MALRD1: variants seen among roughly 807,000 people sequenced by gnomAD.
MALRD1 encodes MAM and LDL-receptor class A domain-containing protein 1.
MALRD1 carries 247 observed loss-of-function variants against 242.1 expected under a neutral mutation model. The ratio of observed to expected loss-of-function variants is 1.02; its 90% CI spans 0.92 to 1.13. The LOEUF is 1.13. Ranked by LOEUF, MALRD1 falls within the 50% of genes most tolerant of loss-of-function variation. MALRD1 has a pLI of 0.00. For missense variants in MALRD1, 2,989 were observed against 2,533.1 expected, an observed-to-expected ratio of 1.18 and a Z score of -3.86; for synonymous variants, 995 against 866.6, an observed-to-expected ratio of 1.15 and a Z score of -2.60.
chr10:19,273,200 C>A (rs1840342778), intron 19 of MALRD1, among the ~76,000 whole-genome samples: 1 of 152,080 alleles, frequency 6.6e-6, no homozygotes, highest in South Asian at 2.1e-4. Context: ...CAATAATTTT[C>A]ATAATTTCCA....
chr10:19,058,180 G>A (rs1458237576), intron 1 of MALRD1, among the ~76,000 whole-genome samples: 2 of 152,144 alleles, frequency 1.3e-5, no homozygotes, highest in Middle Eastern at 3.2e-3. Flanking sequence ...AAAAGAAAAC[G>A]CCAGAGGACA....
Position 19,347,953 on chromosome 10 carries a change from C to G in MALRD1, c.4084C>G (p.Gln1362Glu), listed in dbSNP as rs1444450169. 1.3e-6 allele frequency: 2 copies of G among 1,550,322 alleles called. No individual in the cohort carries two copies. The highest frequency in any genetic ancestry group is 8.7e-7 in the Non-Finnish European group (1 of 1,146,808). ...HYIFIKSLFP[Q>E]QPMRAARISS... ...CATCTTTATAAAGAGTTTGTTTCCT[C>G]AGCAGCCCATGAGAGCTGCCAGAAT... is the stretch of plus-strand genomic sequence containing the variant. Residue 1362 changes from glutamine (Q) to glutamate (E), a missense_variant, in exon 25 of 40, where the codon CAG becomes GAG. Physicochemically the swap from Gln to Glu is conservative, Grantham distance 29. Transcript: ENST00000454679.
At chr10:19,592,794 T>C (rs1837885795) in intron 33 of MALRD1, among the ~76,000 whole-genome samples, 1 of 144,924 alleles carries the variant, frequency 6.9e-6, no homozygotes, top group African/African-American at 2.6e-5. Flanking sequence ...CACACACCAT[T>C]CTGAATAGGA....
chr10:19,686,100 A>T (rs1319280468), intron 36 of MALRD1, among the ~76,000 whole-genome samples: 1 of 152,190 alleles, frequency 6.6e-6, no homozygotes, highest in African/African-American at 2.4e-5. Context: ...ACCGAGGGGC[A>T]TAAGACAGAG....
intron 26 of MALRD1, among the ~76,000 whole-genome samples, chr10:19,383,300 G>A (rs968471643): frequency 2.0e-5 from 3 of 152,186 alleles, no homozygotes; most frequent in Middle Eastern, 3.4e-3. Context: ...GAGAACATAC[G>A]GTATTGGCTT....
At chr10:19,074,249 G>A (rs908795535) in intron 2 of MALRD1, among the ~76,000 whole-genome samples, 6 of 152,108 alleles carry the variant, frequency 3.9e-5, no homozygotes, top group South Asian at 4.1e-4. Flanking sequence ...CAGCAGAAAT[G>A]AGAGACATTG....
rs1842024830 is a variant in MALRD1 at position 19,673,753 on chromosome 10, G to T, written c.6138-18529G>T. 2.6e-5 allele frequency among the ~76,000 whole-genome samples: 4 copies of T among 152,004 alleles called. 1 individual carries two copies. The South Asian group carries it at 8.3e-4, about 32-fold the overall frequency. On this transcript the variant is annotated intron_variant, in intron 36 of 39. Transcript: ENST00000454679. ...ACTATCATGGATTTCCACAGTTTCTGTTACTTTTTTATGATTTATAATGTC... is the reference window on the plus strand; with the variant it reads ...ACTATCATGGATTTCCACAGTTTCTTTTACTTTTTTATGATTTATAATGTC...
chr10:19,619,455 T>A (rs1839307297), intron 36 of MALRD1, among the ~76,000 whole-genome samples: 1 of 152,066 alleles, frequency 6.6e-6, no homozygotes, highest in South Asian at 2.1e-4. Context: ...GATCAGAATT[T>A]GTTTTGCCCA....
chr10:19,126,252 G>A (rs966202275), intron 7 of MALRD1, among the ~76,000 whole-genome samples: 1 of 152,034 alleles, frequency 6.6e-6, no homozygotes, highest in African/African-American at 2.4e-5. Context: ...TTAATGCTCA[G>A]AATGCACATA....
intron 32 of MALRD1, among the ~76,000 whole-genome samples, chr10:19,538,791 G>GA (rs781370987): frequency 2.9e-4 from 42 of 146,440 alleles, no homozygotes; most frequent in Admixed American, 4.1e-4. Flanking sequence ...AATTGCTCAT[G>GA]AAAAAAAAAA....
chr10:19,302,428 C>T (rs886380251), intron 21 of MALRD1, among the ~76,000 whole-genome samples: 3 of 151,694 alleles, frequency 2.0e-5, no homozygotes, highest in South Asian at 2.1e-4. Context: ...ATGTTATATC[C>T]GTATAAGGAA....
chr10:19,273,934 T>C (rs1840377037), intron 19 of MALRD1, among the ~76,000 whole-genome samples: 1 of 152,054 alleles, frequency 6.6e-6, no homozygotes, highest in East Asian at 1.9e-4. Flanking sequence ...CAATGAGACA[T>C]CACCTCATAC....
At chr10:19,345,236 T>TC (rs71387062) in intron 24 of MALRD1, among the ~76,000 whole-genome samples, 3 of 151,778 alleles carry the variant, frequency 2.0e-5, no homozygotes, top group Non-Finnish European at 2.9e-5. Context: ...ATTATAAAGA[T>TC]TTAGCAGTGT....
At chr10:19,527,051 T>C (rs188766980) in intron 31 of MALRD1, among the ~76,000 whole-genome samples, 2 of 152,306 alleles carry the variant, frequency 1.3e-5, no homozygotes, top group Admixed American at 1.3e-4. Context: ...ATAATACATA[T>C]ATTACTGTTT....
intron 18 of MALRD1, among the ~76,000 whole-genome samples, chr10:19,246,980 T>C (rs984433582): frequency 2.2e-4 from 33 of 152,088 alleles, no homozygotes; most frequent in African/African-American, 7.2e-4. Context: ...CTTACTGCCA[T>C]CAAAAATCCC....
upstream of MALRD1, among the ~76,000 whole-genome samples, chr10:19,047,935 C>G (rs889918865): frequency 6.6e-6 from 1 of 152,146 alleles, no homozygotes; most frequent in Non-Finnish European, 1.5e-5. Context: ...TGAAAAAGAA[C>G]TTTAACATCC....
In MALRD1 at chr10:19,718,226, A is replaced by ACAGCAG. The variant is rs34342587; in HGVS notation, c.6315-12465_6315-12460dup. On this transcript the variant is annotated intron_variant, in intron 38 of 39. Transcript: ENST00000454679. ...AGAGGAAGAAGAAGAAGAAGAAGCA[A>ACAGCAG]CAGCAGCAGCAGCAGCAGCAATACC... Among the ~76,000 whole-genome samples, 113 of 148,552 alleles carry ACAGCAG rather than the reference A, an allele frequency of 7.6e-4. 1 individual carries two copies. Among genetic ancestry groups the ACAGCAG allele is most frequent in the Non-Finnish European group, 1.4e-3 (89 of 65,672 alleles).
intron 7 of MALRD1, 97 bp from the exon 8 acceptor site, chr10:19,128,124 A>T (rs1837339360): frequency 1.2e-6 from 1 of 812,082 alleles, no homozygotes; most frequent in South Asian, 6.4e-5. Context: ...TTGTGTTTTA[A>T]GTCTAGTTTT....
At chr10:19,300,840 A>T (rs1841921549) in intron 21 of MALRD1, among the ~76,000 whole-genome samples, 1 of 152,096 alleles carries the variant, frequency 6.6e-6, no homozygotes, top group Non-Finnish European at 1.5e-5. Flanking sequence ...AATGGTAACA[A>T]AAACAAAAAT....
Sources: allele counts gnomAD v4.1 joint callset (sites outside exome capture counted in the v4.1 genomes callset), GRCh38; gene constraint gnomAD v4.1.1; transcripts MANE v1.5; gene names NCBI Gene and HGNC (gene_info 2026-07-23, HGNC 2026-07-21).